The following COMMD1 variants were observed in gnomAD, a reference collection of about 807,000 sequenced individuals.
COMMD1 encodes the protein copper metabolism domain containing 1, also known as COMM domain-containing protein 1.
In COMMD1, 10 loss-of-function variants were observed where a neutral mutation model predicts 17.2. That is an observed-to-expected ratio of 0.58 (90% CI 0.36 to 0.99). COMMD1 has a LOEUF of 0.99. Ranked by LOEUF, COMMD1 falls within the 50% of genes least tolerant of loss-of-function variation. The pLI is 0.01. For synonymous variants in COMMD1, 97 were observed against 91.6 expected (o/e 1.06, Z -0.34); for missense variants, 270 against 231.8 (o/e 1.17, Z -1.07).
intron 2 of COMMD1, among the ~76,000 whole-genome samples, chr2:62,116,250 C>T (rs1220240432): frequency 6.6e-6 from 1 of 152,222 alleles, no homozygotes; most frequent in African/African-American, 2.4e-5. Context: ...CAAAACCCAA[C>T]TAAGGCATCT....
intron 2 of COMMD1, among the ~76,000 whole-genome samples, chr2:62,123,868 A>G (rs950659326): frequency 6.6e-6 from 1 of 151,950 alleles, no homozygotes; most frequent in Non-Finnish European, 1.5e-5. Flanking sequence ...GGGAGTATTT[A>G]TGTGTTTAAA....
chr2:62,102,518 G>T (rs1324562093), intron 2 of COMMD1, among the ~76,000 whole-genome samples: 2 of 152,058 alleles, frequency 1.3e-5, no homozygotes, highest in Non-Finnish European at 2.9e-5. Flanking sequence ...AGTTCATTGT[G>T]TATTGCTGGG....
chr2:61,920,979 A>AT (rs1239695346), intron 1 of COMMD1, among the ~76,000 whole-genome samples: 10 of 131,118 alleles, frequency 7.6e-5, no homozygotes, highest in African/African-American at 3.1e-4. Flanking sequence ...ATATATATAT[A>AT]TATTTTTTTT....
intron 1 of COMMD1, among the ~76,000 whole-genome samples, chr2:61,995,415 T>G (rs1264379144): frequency 2.0e-5 from 3 of 152,250 alleles, no homozygotes; most frequent in Non-Finnish European, 4.4e-5. Flanking sequence ...ACTGTTAAAC[T>G]GAGCTAGTTG....
At position 61,894,705 on chromosome 2, in the gene COMMD1, A is replaced by T. The variant is rs202156413; in HGVS notation, n.119+5863A>T. 6.4e-4 allele frequency among the ~76,000 whole-genome samples: 87 copies of T among 135,598 alleles called. 1 individual carries two copies. Among genetic ancestry groups the T allele is most frequent in the African/African-American group, 1.2e-3 (41 of 33,756 alleles). The allele number at this position is 135,598 out of a possible 152,430, so 89.0% of individuals were successfully genotyped here. On this transcript the variant is annotated intron_variant and non_coding_transcript_variant, in intron 1 of 2. Coordinates refer to the COMMD1 transcript ENST00000472729. Reference sequence around the variant, plus strand: ...TATATATTTTTTAATTAAAAAAAAAATTTTTTTTTTTTGAGATGGAGTCTC... The same window carrying T: ...TATATATTTTTTAATTAAAAAAAAATTTTTTTTTTTTTGAGATGGAGTCTC...
At chr2:61,888,641 G>A (rs41281525), upstream of COMMD1, 160,445 of 1,067,734 alleles carry the variant, frequency 0.15, 12,967 homozygotes, top group Middle Eastern at 0.26. Flanking sequence ...GTCGGGAGGA[G>A]GCGGAGGCGG....
chr2:62,016,510 CTTTTT>C (rs762996597), intron 2 of COMMD1, among the ~76,000 whole-genome samples: 1 of 132,208 alleles, frequency 7.6e-6, no homozygotes, highest in Admixed American at 7.5e-5. Context: ...AACCCAGCCT[CTTTTT>C]TTTTTTTTTT....
At chr2:62,123,007 C>G (rs1017261472) in intron 2 of COMMD1, among the ~76,000 whole-genome samples, 1 of 152,286 alleles carries the variant, frequency 6.6e-6, no homozygotes, top group South Asian at 2.1e-4. Flanking sequence ...CTAATGCCCC[C>G]TTTGTAAGGT....
intron 2 of COMMD1, among the ~76,000 whole-genome samples, chr2:62,002,832 G>A (rs1668989186): frequency 6.6e-6 from 1 of 151,916 alleles, no homozygotes; most frequent in Admixed American, 6.6e-5. Flanking sequence ...CTCCAGGCTG[G>A]GTGGGAGACC....
At chr2:61,942,044 TTAAA>T (rs1333458905) in intron 1 of COMMD1, among the ~76,000 whole-genome samples, 7 of 152,230 alleles carry the variant, frequency 4.6e-5, no homozygotes, top group Admixed American at 2.6e-4. Flanking sequence ...AAAGTGATGC[TTAAA>T]TAGTCTCTTA....
intron 2 of COMMD1, among the ~76,000 whole-genome samples, chr2:62,015,335 TGTA>T (rs772732951): frequency 1.5e-4 from 23 of 152,370 alleles, no homozygotes; most frequent in Non-Finnish European, 2.9e-4. Flanking sequence ...TTATCGTTGT[TGTA>T]GTACATATCA....
intron 1 of COMMD1, among the ~76,000 whole-genome samples, chr2:61,947,511 C>T (rs1354831934): frequency 6.6e-6 from 1 of 151,896 alleles, no homozygotes; most frequent in Non-Finnish European, 1.5e-5. Context: ...TGGTGAAACC[C>T]TGTCTCTACT....
At chr2:62,059,803 G>A (rs1266014664) in intron 2 of COMMD1, among the ~76,000 whole-genome samples, 1 of 152,126 alleles carries the variant, frequency 6.6e-6, no homozygotes, top group African/African-American at 2.4e-5. Context: ...TGCATCTATT[G>A]TAGATAGTTC....
At chr2:62,094,591 A>G (rs1223199884) in intron 2 of COMMD1, among the ~76,000 whole-genome samples, 1 of 152,208 alleles carries the variant, frequency 6.6e-6, no homozygotes, top group Non-Finnish European at 1.5e-5. Context: ...AATCCACAGC[A>G]TTAGGTTTTT....
At position 61,916,544 on chromosome 2, in the gene COMMD1, C is replaced by A. The variant is rs141347518; in HGVS notation, c.180+10686C>A. On this transcript the variant is annotated intron_variant, in intron 1 of 2. Coordinates refer to ENST00000311832, the MANE Select transcript of COMMD1 (RefSeq NM_152516.4). The stretch of plus-strand genomic sequence containing the variant: ...TCAAGCGATCTTCCTACTTCAGCCC[C>A]CTGAGTGGCTGGGACTACAGGTGTG... Among the ~76,000 whole-genome samples, 1,202 of 152,154 alleles carry A rather than the reference C, an allele frequency of 7.9e-3. 22 individuals are homozygous for A. Among genetic ancestry groups the A allele is most frequent in the African/African-American group, 0.028 (1,167 of 41,498 alleles).
At chr2:62,100,654 C>T (rs1241496217) in intron 2 of COMMD1, among the ~76,000 whole-genome samples, 1 of 152,160 alleles carries the variant, frequency 6.6e-6, no homozygotes, top group East Asian at 1.9e-4. Flanking sequence ...GACCTAGGAT[C>T]CACAGAAAGG....
intron 1 of COMMD1, among the ~76,000 whole-genome samples, chr2:61,976,011 T>A (rs901202403): frequency 1.3e-5 from 2 of 152,170 alleles, no homozygotes; most frequent in Admixed American, 6.5e-5. Context: ...TCATTTCAGC[T>A]GTGTTCTGCC....
At chr2:62,135,536 A>G (rs942143595) in intron 2 of COMMD1, among the ~76,000 whole-genome samples, 3 of 151,972 alleles carry the variant, frequency 2.0e-5, no homozygotes, top group Admixed American at 2.0e-4. Context: ...TATTTTTAGT[A>G]GAGACGGGGT....
rs551364877 is a variant in COMMD1, at chr2:61,935,856, G to A, written c.180+29998G>A. On this transcript the variant is annotated intron_variant, in intron 1 of 2. Transcript: ENST00000311832. ...TTTTGAGACAGAGTCTCACTCTGTT[G>A]CCAAGGCTGGAGTGCAGTGGAGCTA... Among the ~76,000 whole-genome samples, 4 of 151,258 alleles carry A rather than the reference G, an allele frequency of 2.6e-5. No homozygotes were observed. In the East Asian group the frequency reaches 7.8e-4, roughly 29 times the overall value.
Sources: gnomAD v4.1 joint callset for allele counts (sites outside exome capture counted in the v4.1 genomes callset) on GRCh38, gnomAD v4.1.1 for gene constraint, MANE v1.5 for transcripts, NCBI Gene and HGNC (gene_info 2026-07-23, HGNC 2026-07-21) for gene names.